Variants in GRB10 observed in about 807,000 individuals in gnomAD.
GRB10 encodes growth factor receptor bound protein 10, also known as growth factor receptor-bound protein 10.
In GRB10, 20 loss-of-function variants were observed where a neutral mutation model predicts 80.9. The observed-to-expected ratio is 0.25, with a 90% CI of 0.17 to 0.36. GRB10 has a LOEUF of 0.36. Ranked by LOEUF, GRB10 falls within the 10% of genes least tolerant of loss-of-function variation. GRB10 has a pLI of 1.00. For synonymous variants in GRB10, 291 were observed against 291.5 expected (o/e 1.00, Z 0.02); for missense variants, 548 against 747.7 (o/e 0.73, Z 3.12).
intron 6 of GRB10, among the ~76,000 whole-genome samples, chr7:50,673,131 GC>G (rs1055423529): frequency 6.6e-6 from 1 of 152,180 alleles, no homozygotes; most frequent in African/African-American, 2.4e-5. Flanking sequence ...GTTTCTAGAA[GC>G]AAGAAGAGCC....
At chr7:50,636,642 T>C (rs2055086959) in intron 7 of GRB10, among the ~76,000 whole-genome samples, 2 of 152,044 alleles carry the variant, frequency 1.3e-5, no homozygotes, top group African/African-American at 4.8e-5. Flanking sequence ...TATGATTATC[T>C]AAATGGATGC....
intron 2 of GRB10, among the ~76,000 whole-genome samples, chr7:50,765,176 T>C (rs367881672): frequency 6.6e-6 from 1 of 152,166 alleles, no homozygotes; most frequent in Non-Finnish European, 1.5e-5. Context: ...TAATGGATAC[T>C]GGGGAGAATG....
chr7:50,734,255 G>A (rs1002853081), intron 3 of GRB10, among the ~76,000 whole-genome samples: 5 of 151,896 alleles, frequency 3.3e-5, no homozygotes, highest in African/African-American at 7.3e-5. Context: ...ACTCTTGTGC[G>A]ACTCCTCACT....
chr7:50,739,800 G>A (rs2071411396), intron 3 of GRB10, among the ~76,000 whole-genome samples: 1 of 152,160 alleles, frequency 6.6e-6, no homozygotes, highest in Non-Finnish European at 1.5e-5. Flanking sequence ...TCCAAGTGCT[G>A]TCCAGGGCAC....
chr7:50,606,634 C>CT (rs2048582679), intron 13 of GRB10: 1 of 571,118 alleles, frequency 1.8e-6, no homozygotes, highest in Non-Finnish European at 3.1e-6. Flanking sequence ...TTTGACTCCC[C>CT]CAAAACTTAC....
intron 7 of GRB10, among the ~76,000 whole-genome samples, chr7:50,631,538 G>C (rs2190496): frequency 0.67 from 101,861 of 152,154 alleles, 35,824 homozygotes; most frequent in East Asian, 0.88. Flanking sequence ...GTAAAATGGA[G>C]TTTTTAGTAA....
intron 2 of GRB10, among the ~76,000 whole-genome samples, chr7:50,777,429 T>TACACACACACACACACACACACAC (rs71018485): frequency 4.1e-5 from 6 of 146,168 alleles, no homozygotes; most frequent in East Asian, 2.0e-4. Context: ...GCAATCTGTA[T>TACACACACACACACACACACACAC]ACACACACAC....
At chr7:50,759,718 G>A (rs2286153) in intron 2 of GRB10, among the ~76,000 whole-genome samples, 7,694 of 152,178 alleles carry the variant, frequency 0.051, 297 homozygotes, top group East Asian at 0.19. Flanking sequence ...ATAGCAGAGC[G>A]GCTGTACTTT....
At chr7:50,781,972 T>G (rs2301927) in intron 1 of GRB10, among the ~76,000 whole-genome samples, 137,881 of 152,182 alleles carry the variant, frequency 0.91, 62,603 homozygotes, top group East Asian at 0.96. Flanking sequence ...TTTAAGAGAA[T>G]TCCAGGCAGG....
At position 50,732,410 on chromosome 7, in the gene GRB10, A is replaced by G. The variant is rs944948913; in HGVS notation, c.-46-42T>C. On this transcript the variant is annotated intron_variant, in intron 3 of 18. Transcript: ENST00000401949. ...CTGTGAGAAGCCAAGCCAGAAAAAA[A>G]AAAAAAAATCCACTACTTATGGCTG... The G allele has an allele frequency of 9.8e-6, 12 of 1,229,750 alleles. No individual in the cohort carries two copies. The Admixed American group carries it at 1.8e-4, about 18-fold the overall frequency. The allele number at this position is 1,229,750 out of a possible 1,614,324, so 76.2% of individuals were successfully genotyped here.
At chr7:50,608,232 C>T (rs2048879996) in intron 13 of GRB10, among the ~76,000 whole-genome samples, 1 of 152,058 alleles carries the variant, frequency 6.6e-6, no homozygotes, top group Non-Finnish European at 1.5e-5. Flanking sequence ...CAGAGGAAAA[C>T]GTGCATTATT....
chr7:50,711,345 G>A (rs1455467708), intron 4 of GRB10, among the ~76,000 whole-genome samples: 1 of 147,506 alleles, frequency 6.8e-6, no homozygotes, highest in Admixed American at 6.7e-5. Context: ...CCCACCATCC[G>A]GGTCCCAGAG....
At chr7:50,610,109 T>G (rs2049244102) in intron 13 of GRB10, among the ~76,000 whole-genome samples, 1 of 152,166 alleles carries the variant, frequency 6.6e-6, no homozygotes, top group Non-Finnish European at 1.5e-5. Context: ...TAAAAGGGGA[T>G]CCGGTGTCCT....
At chr7:50,719,801 T>C (rs1228162532) in intron 4 of GRB10, among the ~76,000 whole-genome samples, 2 of 152,158 alleles carry the variant, frequency 1.3e-5, no homozygotes, top group Non-Finnish European at 2.9e-5. Context: ...CACTTTGGAA[T>C]TTCCTACCAA....
At chr7:50,623,446 C>G (rs901911920) in intron 8 of GRB10, among the ~76,000 whole-genome samples, 2 of 152,238 alleles carry the variant, frequency 1.3e-5, no homozygotes, top group African/African-American at 4.8e-5. Context: ...TCAGTCTGCT[C>G]ATAGGAGTCG....
chr7:50,769,511 C>T (rs1400409401), intron 2 of GRB10, among the ~76,000 whole-genome samples: 1 of 152,218 alleles, frequency 6.6e-6, no homozygotes, highest in Non-Finnish European at 1.5e-5. Context: ...AATGGGTCCA[C>T]GGTCATGAAT....
intron 15 of GRB10, 187 bp downstream of exon 15, chr7:50,605,103 G>C: frequency 1.6e-6 from 1 of 617,566 alleles, no homozygotes; most frequent in Non-Finnish European, 2.9e-6. Context: ...AGCGGGGAAA[G>C]GCTGGGTGCT....
chr7:50,767,267 G>A (rs1246023888), intron 2 of GRB10, among the ~76,000 whole-genome samples: 1 of 152,124 alleles, frequency 6.6e-6, no homozygotes, highest in Non-Finnish European at 1.5e-5. Context: ...CCAGACTGCC[G>A]GCCCCTCTGG....
intron 4 of GRB10, among the ~76,000 whole-genome samples, chr7:50,704,321 A>C (rs768341010): frequency 6.6e-6 from 1 of 152,252 alleles, no homozygotes; most frequent in Admixed American, 6.5e-5. Flanking sequence ...AGAGTGTTTT[A>C]TAAATGGTTC....
Sources: gnomAD v4.1 joint callset for allele counts (sites outside exome capture counted in the v4.1 genomes callset) on GRCh38, gnomAD v4.1.1 for gene constraint, MANE v1.5 for transcripts, NCBI Gene and HGNC (gene_info 2026-07-23, HGNC 2026-07-21) for gene names.